Variants in TOP2A observed in about 807,000 individuals in gnomAD.
The protein encoded by TOP2A is DNA topoisomerase II alpha, also known as DNA topoisomerase 2-alpha.
Under a neutral mutation model 187.2 loss-of-function variants are expected in TOP2A, and 68 were observed. The ratio of observed to expected loss-of-function variants is 0.36; its 90% confidence interval spans 0.30 to 0.44. The LOEUF (loss-of-function observed/expected upper bound fraction) is 0.44, where lower values mean the gene tolerates loss of function less well. Among genes scored for constraint, TOP2A ranks in the 20% least tolerant of loss-of-function variants. The pLI, the probability that TOP2A is intolerant of heterozygous loss-of-function variation, is 1.00. For missense variants in TOP2A, 1,196 were observed against 1,808.7 expected (o/e 0.66, Z 6.14); for synonymous variants, 542 against 593.2 (o/e 0.91, Z 1.25).
chr17:40,413,649 G>C (rs1356805628), intron 4 of TOP2A, 24 bp from the exon 5 acceptor site: 6 of 1,155,730 alleles, frequency 5.2e-6, no homozygotes, highest in Non-Finnish European at 3.6e-6. Context: ...ATTGAAAATT[G>C]TATTTTACAA....
At chr17:40,415,133 C>A (rs2035374549) in intron 4 of TOP2A, among the ~76,000 whole-genome samples, 1 of 150,972 alleles carries the variant, frequency 6.6e-6, no homozygotes, top group Non-Finnish European at 1.5e-5. Context: ...CGGCTCACTG[C>A]AAGCTCCACC....
rs754037150 is a variant in TOP2A, at chr17:40,392,232, G to C, written c.4074C>G (p.Thr1358=). Residue 1358 remains threonine, a synonymous_variant, in exon 31 of 35, where the codon ACC becomes ACG. Transcript: ENST00000423485. ...FVPSDASPPK[T]KTSPKLSNKE... ...AAGATACTTGCTTTGGGGAAGTTTTGGTCTTAGGTGGACTAGCATCTGATG... is the reference window on the plus strand; with the variant it reads ...AAGATACTTGCTTTGGGGAAGTTTTCGTCTTAGGTGGACTAGCATCTGATG... 3 of 1,613,024 alleles carry C rather than the reference G, an allele frequency of 1.9e-6. No homozygotes were observed. Among genetic ancestry groups the C allele is most frequent in the Non-Finnish European group, 2.5e-6 (3 of 1,179,542 alleles).
intron 23 of TOP2A, 28 bp downstream of exon 23, chr17:40,400,181 G>A (rs371663743): frequency 2.6e-4 from 414 of 1,606,030 alleles, no homozygotes; most frequent in Non-Finnish European, 3.2e-4. Context: ...AAATTGAAAC[G>A]TGTACATCTC....
Position 40,408,490 on chromosome 17 carries a change from A to T in TOP2A, c.1342+2T>A. ...AGTTTGGAAACATTATTAAATATATACCTGCATCATTGGCATCATCGAGTT... is the reference window on the plus strand; with the variant it reads ...AGTTTGGAAACATTATTAAATATATTCCTGCATCATTGGCATCATCGAGTT... On this transcript the variant is annotated splice_donor_variant, in intron 11 of 34. Transcript: ENST00000423485. LOFTEE classifies it high-confidence loss of function. 6.2e-7 allele frequency: 1 copy of T among 1,611,610 alleles called. No individual in the cohort carries two copies. Among genetic ancestry groups the T allele is most frequent in the Non-Finnish European group, 8.5e-7 (1 of 1,179,070 alleles).
At chr17:40,399,256 T>C (rs2035143839) in intron 24 of TOP2A, 125 bp from the exon 25 acceptor site, 2 of 689,092 alleles carry the variant, frequency 2.9e-6, no homozygotes, top group Non-Finnish European at 4.9e-6. Flanking sequence ...CATAAATTTG[T>C]ATATCCCGGT....
chr17:40,410,980 A>G, intron 10 of TOP2A, 129 bp downstream of exon 10: 2 of 949,888 alleles, frequency 2.1e-6, no homozygotes, highest in Non-Finnish European at 3.0e-6. Context: ...GCCCTTTTTT[A>G]CTTCCTTTTC....
intron 1 of TOP2A, 118 bp from the exon 2 acceptor site, chr17:40,417,013 G>A: frequency 1.1e-6 from 1 of 907,186 alleles, no homozygotes; most frequent in Non-Finnish European, 1.6e-6. Context: ...CTGTTAGTAG[G>A]CAGTGGTGGA....
At position 40,388,922 on chromosome 17, in the gene TOP2A, C is replaced by T; in HGVS notation, c.*597G>A. On this transcript the variant is annotated 3_prime_UTR_variant, in exon 35 of 35. Coordinates refer to ENST00000423485, the MANE Select transcript of TOP2A (RefSeq NM_001067.4). ...TATTGACTGTGTCAAGTTATAGACACAGCCAAAGTGTTTTTCTTCGGCCTC... is the reference window on the plus strand; with the variant it reads ...TATTGACTGTGTCAAGTTATAGACATAGCCAAAGTGTTTTTCTTCGGCCTC... The T allele has an allele frequency of 4.8e-6, 1 of 206,566 alleles. No homozygotes were observed. Among genetic ancestry groups the T allele is most frequent in the East Asian group, 7.4e-5 (1 of 13,520 alleles). 12.8% of individuals were successfully genotyped at this position (206,566 alleles called of 1,614,324 possible).
rs1567789790 is a variant in TOP2A, at chr17:40,411,279, A to G, written c.1066-33T>C. ...AGAAGTTGATATTAAGCCACTAAAA[A>G]TGTACTCATGCTTTATTTATAGCCT... is the stretch of plus-strand genomic sequence containing the variant. On this transcript the variant is annotated intron_variant, in intron 9 of 34. Coordinates refer to ENST00000423485, the MANE Select transcript of TOP2A (RefSeq NM_001067.4). This position sits in a 1 kb window ranked among gnomAD's most constrained non-coding sequence, Gnocchi z 4.4. 1 of 1,612,148 alleles carries G rather than the reference A, an allele frequency of 6.2e-7. No homozygotes were observed. Among genetic ancestry groups the G allele is most frequent in the Admixed American group, 1.7e-5 (1 of 59,692 alleles).
chr17:40,406,740 A>T, intron 14 of TOP2A, 51 bp from the exon 15 acceptor site: 1 of 1,574,324 alleles, frequency 6.4e-7, no homozygotes, highest in Middle Eastern at 1.7e-4. Flanking sequence ...GGTCCCCTGT[A>T]TACCACTACA....
intron 20 of TOP2A, 111 bp from the exon 21 acceptor site, chr17:40,401,192 G>A: frequency 1.1e-6 from 1 of 875,090 alleles, no homozygotes. Context: ...TTTACTTGCT[G>A]ACTAATATAC....
At position 40,403,016 on chromosome 17, in the gene TOP2A, A is replaced by T. The variant is rs778465453; in HGVS notation, c.2322T>A (p.Asn774Lys). ...GGTTTAGATTATTGCTACCCACAAA[A>T]TTCTGAGCCAAATTGATAATGGTCA... is the stretch of plus-strand genomic sequence containing the variant. The part of the protein sequence containing the change: ...LMMTIINLAQ[N>K]FVGSNNLNLL... Residue 774 changes from asparagine to lysine, a missense_variant, in exon 20 of 35, where the codon AAT becomes AAA. Asn to Lys is a moderately conservative substitution (Grantham distance 94). Transcript: ENST00000423485. 6.2e-7 allele frequency: 1 copy of T among 1,601,672 alleles called. No individual in the cohort carries two copies. The highest frequency in any genetic ancestry group is 1.1e-5 in the South Asian group (1 of 88,730).
Position 40,389,614 on chromosome 17 carries a change from C to G in TOP2A, c.4501G>C (p.Asp1501His), listed in dbSNP as rs778744159. The G allele has an allele frequency of 5.6e-6, 9 of 1,609,452 alleles. No individual in the cohort carries two copies. Among genetic ancestry groups the G allele is most frequent in the Non-Finnish European group, 7.6e-6 (9 of 1,177,828 alleles). Residue 1501 changes from aspartate to histidine, a missense_variant, in exon 35 of 35, where the codon GAC (aspartate) becomes CAC (histidine). Coordinates refer to ENST00000423485, the MANE Select transcript of TOP2A (RefSeq NM_001067.4). ...SKGESDDFHM[D>H]FDSAVAPRAK... ...CGAGGAGCCACAGCTGAGTCAAAGT[C>G]CATATGGAAGTCATCACTCTCCCCC...
chr17:40,405,698 T>C (rs1447447362), intron 16 of TOP2A, among the ~76,000 whole-genome samples: 1 of 152,044 alleles, frequency 6.6e-6, no homozygotes, highest in East Asian at 1.9e-4. Context: ...CTCCATCTCA[T>C]GACGTTGTGA....
chr17:40,395,998 G>A (rs1220528052), intron 28 of TOP2A, among the ~76,000 whole-genome samples: 3 of 115,832 alleles, frequency 2.6e-5, no homozygotes, highest in Non-Finnish European at 5.4e-5. Flanking sequence ...TTTTTTTTTT[G>A]AGATGGAGTT....
rs556068223 is a variant in TOP2A at position 40,390,752 on chromosome 17, C to T, written c.4268-588G>A. 6.6e-5 allele frequency among the ~76,000 whole-genome samples: 10 copies of T among 150,908 alleles called. No homozygotes were observed. In the East Asian group the frequency reaches 1.0e-3, roughly 15 times the overall value. On this transcript the variant is annotated intron_variant, in intron 33 of 34. Coordinates refer to ENST00000423485, the MANE Select transcript of TOP2A (RefSeq NM_001067.4). ...AAGTGATTCTCCTGTTTCAGCCTCC[C>T]GAGTAGCTGACTACAGGCATGTGCC...
chr17:40,406,805 C>T, intron 14 of TOP2A, 27 bp downstream of exon 14: 3 of 1,586,510 alleles, frequency 1.9e-6, no homozygotes, highest in Non-Finnish European at 1.7e-6. Flanking sequence ...TTAAAATATC[C>T]ATGATGGTAC....
rs1372088998 is a variant in TOP2A, at chr17:40,389,227, A to T, written c.*292T>A. On this transcript the variant is annotated 3_prime_UTR_variant, in exon 35 of 35. Transcript: ENST00000423485. ...CACTGCTTTACGCTGAAGTGATCAG[A>T]TAGCTATTTCTACAGTTCAGAAGAA... 5.1e-5 allele frequency: 15 copies of T among 291,824 alleles called. No individual in the cohort carries two copies. In the Admixed American group the frequency reaches 7.1e-4, roughly 14 times the overall value. The allele number at this position is 291,824 out of a possible 1,614,324, so 18.1% of individuals were successfully genotyped here. A position where few individuals can be genotyped will look rare whatever the true frequency, so the allele number is the denominator to read the frequency against.
intron 27 of TOP2A, among the ~76,000 whole-genome samples, chr17:40,398,296 GT>G (rs2035128375): frequency 6.6e-6 from 1 of 151,594 alleles, no homozygotes; most frequent in South Asian, 2.1e-4. Context: ...TAGAAATGGG[GT>G]TTTACCATGT....
Sources: gnomAD v4.1 joint callset for allele counts (sites outside exome capture counted in the v4.1 genomes callset) on GRCh38, gnomAD v4.1.1 for gene constraint, Gnocchi (gnomAD v3.1) non-coding constraint, MANE v1.5 for transcripts, NCBI Gene and HGNC (gene_info 2026-07-23, HGNC 2026-07-21) for gene names.